MAP2K5: variants seen among roughly 807,000 people sequenced by gnomAD.
MAP2K5 encodes dual specificity mitogen-activated protein kinase kinase 5.
A neutral mutation model predicts 83.1 loss-of-function variants in MAP2K5; 49 were observed. The observed-to-expected ratio is 0.59, with a 90% CI of 0.47 to 0.75. The LOEUF (loss-of-function observed/expected upper bound fraction) is 0.75, where lower values mean the gene tolerates loss of function less well. Ranked by LOEUF, MAP2K5 falls within the 30% of genes least tolerant of loss-of-function variation. MAP2K5 has a pLI of 0.00. For missense variants in MAP2K5, 457 were observed against 557.5 expected (o/e 0.82, Z 1.82); for synonymous variants, 202 against 191.8 (o/e 1.05, Z -0.44).
intron 3 of MAP2K5, among the ~76,000 whole-genome samples, chr15:67,579,507 T>G (rs928418804): frequency 1.3e-5 from 2 of 152,218 alleles, no homozygotes; most frequent in Admixed American, 6.5e-5. Context: ...AGTTTTTATG[T>G]CTGTAGAAGG....
chr15:67,788,339 C>G (rs780239184), intron 21 of MAP2K5, among the ~76,000 whole-genome samples: 1 of 152,202 alleles, frequency 6.6e-6, no homozygotes, highest in African/African-American at 2.4e-5. Context: ...CACTCACCTC[C>G]TTGTATCACT....
chr15:67,651,173 A>G (rs1469758446), intron 11 of MAP2K5, among the ~76,000 whole-genome samples: 1 of 152,198 alleles, frequency 6.6e-6, no homozygotes, highest in Non-Finnish European at 1.5e-5. Context: ...AGCCAAGATC[A>G]TGCCACTGCA....
At chr15:67,725,438 C>T (rs2089067229) in intron 16 of MAP2K5, among the ~76,000 whole-genome samples, 1 of 152,222 alleles carries the variant, frequency 6.6e-6, no homozygotes, top group African/African-American at 2.4e-5. Flanking sequence ...CTTTAAATTG[C>T]AAGAACCAAT....
Position 67,777,387 on chromosome 15 carries a change from C to G in MAP2K5, c.1242+4635C>G, listed in dbSNP as rs1212361602. On this transcript the variant is annotated intron_variant, in intron 21 of 21. Coordinates refer to ENST00000178640, the MANE Select transcript of MAP2K5 (RefSeq NM_145160.3). The surrounding 1 kb of genome is among the most constrained non-coding windows in gnomAD (Gnocchi z 6.0). Reference sequence around the variant, plus strand: ...GTGTCTAAGCTCTATTTAATGGAATCTATGCATAGTAAGTAATCAGGTCAG... The same window carrying G: ...GTGTCTAAGCTCTATTTAATGGAATGTATGCATAGTAAGTAATCAGGTCAG... 2.6e-5 allele frequency among the ~76,000 whole-genome samples: 4 copies of G among 152,136 alleles called. No individual in the cohort carries two copies. Among genetic ancestry groups the G allele is most frequent in the African/African-American group, 9.7e-5 (4 of 41,410 alleles).
Position 67,798,759 on chromosome 15 carries a change from C to T in MAP2K5, c.1243-7887C>T, listed in dbSNP as rs535971588. On this transcript the variant is annotated intron_variant, in intron 21 of 21. Coordinates refer to ENST00000178640, the MANE Select transcript of MAP2K5 (RefSeq NM_145160.3). Reference sequence around the variant, plus strand: ...TTCTATAGCAATTATGAAGAATAAACTCAGGAAGGTTGATTGAAATGACAT... The same window carrying T: ...TTCTATAGCAATTATGAAGAATAAATTCAGGAAGGTTGATTGAAATGACAT... Among the ~76,000 whole-genome samples, 5 of 152,256 alleles carry T rather than the reference C, an allele frequency of 3.3e-5. No individual in the cohort carries two copies. In the South Asian group the frequency reaches 1.0e-3, roughly 32 times the overall value.
At chr15:67,696,634 G>A (rs1011818826) in intron 15 of MAP2K5, among the ~76,000 whole-genome samples, 4 of 151,926 alleles carry the variant, frequency 2.6e-5, no homozygotes, top group African/African-American at 9.7e-5. Context: ...ATATGTAGCA[G>A]CATTATGTGT....
intron 4 of MAP2K5, among the ~76,000 whole-genome samples, chr15:67,585,015 T>C (rs2085258745): frequency 7.1e-6 from 1 of 141,434 alleles, no homozygotes; most frequent in Non-Finnish European, 1.5e-5. Context: ...ATCTTATTAT[T>C]AAACAGCTCT....
At chr15:67,612,548 C>T (rs1260710011) in intron 8 of MAP2K5, among the ~76,000 whole-genome samples, 1 of 152,114 alleles carries the variant, frequency 6.6e-6, no homozygotes, top group East Asian at 1.9e-4. Flanking sequence ...TTGAAGATGA[C>T]TGTCCCTGGA....
intron 1 of MAP2K5, among the ~76,000 whole-genome samples, chr15:67,546,959 G>C (rs1292292295): frequency 1.3e-5 from 2 of 152,106 alleles, no homozygotes; most frequent in African/African-American, 4.8e-5. Context: ...CCAGCTATTA[G>C]GGAGGCTGAG....
intron 7 of MAP2K5, among the ~76,000 whole-genome samples, chr15:67,598,996 G>C (rs1285852387): frequency 1.3e-5 from 2 of 152,140 alleles, no homozygotes; most frequent in African/African-American, 4.8e-5. Flanking sequence ...GCCTATTTGT[G>C]CCCACCAATG....
chr15:67,678,110 AGTCTATACTTAATT>A (rs1179194414), intron 13 of MAP2K5, among the ~76,000 whole-genome samples: 6 of 152,268 alleles, frequency 3.9e-5, no homozygotes, highest in Admixed American at 6.5e-5. Context: ...ACGTCAGCAT[AGTCTATACTTAATT>A]GTACCTGCTG....
At chr15:67,600,299 T>C (rs894728300) in intron 7 of MAP2K5, among the ~76,000 whole-genome samples, 3 of 152,182 alleles carry the variant, frequency 2.0e-5, no homozygotes, top group African/African-American at 7.2e-5. Flanking sequence ...TTACTGAGTG[T>C]GTGTGTGTAT....
chr15:67,733,795 G>A (rs1291422585), intron 17 of MAP2K5, among the ~76,000 whole-genome samples: 1 of 152,158 alleles, frequency 6.6e-6, no homozygotes, highest in Admixed American at 6.5e-5. Context: ...TGAAAAATAT[G>A]CATTCTTAAT....
intron 11 of MAP2K5, among the ~76,000 whole-genome samples, chr15:67,650,307 T>C (rs553623281): frequency 6.6e-6 from 1 of 152,176 alleles, no homozygotes; most frequent in Non-Finnish European, 1.5e-5. Flanking sequence ...TCTGAATGTC[T>C]TTTATTTCCT....
rs2090321222 is a variant in MAP2K5, at chr15:67,781,075, C to T, written c.1242+8323C>T. 6.6e-6 allele frequency among the ~76,000 whole-genome samples: 1 copy of T among 152,214 alleles called. No homozygotes were observed. The highest frequency in any genetic ancestry group is 1.5e-5 in the Non-Finnish European group (1 of 68,046). On this transcript the variant is annotated intron_variant, in intron 21 of 21. Coordinates refer to ENST00000178640, the MANE Select transcript of MAP2K5 (RefSeq NM_145160.3). This position sits in a 1 kb window ranked among gnomAD's most constrained non-coding sequence, Gnocchi z 4.0. Reference sequence around the variant, plus strand: ...GTCAGCACATCAGATGCATGCCACCCACTCCCCAGCTCTTGGGAATAATGG... The same window carrying T: ...GTCAGCACATCAGATGCATGCCACCTACTCCCCAGCTCTTGGGAATAATGG...
At position 67,638,680 on chromosome 15, in the gene MAP2K5, C is replaced by G. The variant is rs1433950916; in HGVS notation, c.586-7551C>G. On this transcript the variant is annotated intron_variant, in intron 9 of 21. Coordinates refer to ENST00000178640, the MANE Select transcript of MAP2K5 (RefSeq NM_145160.3). This position sits in a 1 kb window ranked among gnomAD's most constrained non-coding sequence, Gnocchi z 4.5. ...TCCACAATGGTTGAACTAATTTACA[C>G]TCCTTCCAACAGTATATAAGCATTC... 6.6e-6 allele frequency among the ~76,000 whole-genome samples: 1 copy of G among 152,202 alleles called. No homozygotes were observed. The highest frequency in any genetic ancestry group is 1.5e-5 in the Non-Finnish European group (1 of 68,042).
chr15:67,582,607 C>T (rs532324767), intron 4 of MAP2K5, among the ~76,000 whole-genome samples: 28 of 152,124 alleles, frequency 1.8e-4, no homozygotes, highest in African/African-American at 6.7e-4. Context: ...ATTGCTTGAG[C>T]TCAAGAGTTT....
rs967293878 is a variant in MAP2K5 at position 67,652,883 on chromosome 15, G to A, written c.737-5670G>A. Among the ~76,000 whole-genome samples the A allele has an allele frequency of 8.5e-5, 13 of 152,134 alleles. No individual in the cohort carries two copies. The highest frequency in any genetic ancestry group is 5.9e-5 in the Non-Finnish European group (4 of 68,028). On this transcript the variant is annotated intron_variant, in intron 11 of 21. Transcript: ENST00000178640. The surrounding 1 kb of genome is among the most constrained non-coding windows in gnomAD (Gnocchi z 4.2). ...TACCTCATATAATTGGAATCACACA[G>A]TATTTGTCTTATTGTGTCTGGCTTA...
chr15:67,651,112 A>G (rs991514371), intron 11 of MAP2K5, among the ~76,000 whole-genome samples: 2 of 152,098 alleles, frequency 1.3e-5, no homozygotes, highest in African/African-American at 4.8e-5. Flanking sequence ...CAGCTACTTG[A>G]GAGGCTGAGG....
Sources: gnomAD v4.1 joint callset for allele counts (sites outside exome capture counted in the v4.1 genomes callset) on GRCh38, gnomAD v4.1.1 for gene constraint, Gnocchi (gnomAD v3.1) non-coding constraint, MANE v1.5 for transcripts, NCBI Gene and HGNC (gene_info 2026-07-23, HGNC 2026-07-21) for gene names.